PARK7: variants seen among roughly 807,000 people sequenced by gnomAD.
The protein encoded by PARK7 is Parkinsonism associated deglycase.
PARK7 carries 14 observed loss-of-function variants against 20.5 expected under a neutral mutation model. The ratio of observed to expected loss-of-function variants is 0.68; its 90% confidence interval spans 0.45 to 1.07. The LOEUF (loss-of-function observed/expected upper bound fraction) is 1.07, where lower values mean the gene tolerates loss of function less well. Ranked by LOEUF, PARK7 falls within the 50% of genes least tolerant of loss-of-function variation. The pLI is 0.00. For synonymous variants in PARK7, 98 were observed against 84.3 expected (o/e 1.16, Z -0.89); for missense variants, 234 against 238.1 (o/e 0.98, Z 0.11).
chr1:7,967,746 CCT>C (rs1305032362), intron 3 of PARK7, among the ~76,000 whole-genome samples: 1 of 151,350 alleles, frequency 6.6e-6, no homozygotes, highest in Non-Finnish European at 1.5e-5. Flanking sequence ...GAAGCGAGAC[CCT>C]GTCTCTACAA....
At chr1:7,976,734 A>G (rs973991946) in intron 5 of PARK7, among the ~76,000 whole-genome samples, 1 of 152,096 alleles carries the variant, frequency 6.6e-6, no homozygotes, top group Admixed American at 6.6e-5. Context: ...TTTTTTATTT[A>G]TTTTGAGACA....
chr1:7,962,649 G>GT lies in PARK7; in HGVS notation c.-23-111dup, dbSNP rs1333177315. ...TCGTATTCAGTTGTCTATGAAAACC[G>GT]TTTCCCTAGGAAGTACTTACTCTGC... On this transcript the variant is annotated intron_variant, in intron 1 of 6. Transcript: ENST00000338639. 3 of 668,100 alleles carry GT rather than the reference G, an allele frequency of 4.5e-6. No individual in the cohort carries two copies. In the African/African-American group the frequency reaches 5.5e-5, roughly 12 times the overall value. 41.4% of individuals were successfully genotyped at this position (668,100 alleles called of 1,614,324 possible).
intron 6 of PARK7, among the ~76,000 whole-genome samples, chr1:7,978,591 C>T (rs1387882354): frequency 6.6e-6 from 1 of 151,090 alleles, no homozygotes; most frequent in Non-Finnish European, 1.5e-5. Flanking sequence ...CGCCTGTAAT[C>T]CCAGTACTTT....
chr1:7,974,280 C>T (rs1294166788), intron 5 of PARK7, among the ~76,000 whole-genome samples: 2 of 151,610 alleles, frequency 1.3e-5, no homozygotes, highest in Admixed American at 1.3e-4. Context: ...ATGTGGTGAT[C>T]ACACCACTGC....
chr1:7,963,610 A>G (rs161816), intron 2 of PARK7, among the ~76,000 whole-genome samples: 41,817 of 151,098 alleles, frequency 0.28, 7,643 homozygotes, highest in Non-Finnish European at 0.41. Flanking sequence ...CCTGGCTTCA[A>G]GTGACCCGCC....
At chr1:7,965,249 TC>T in intron 2 of PARK7, 74 bp from the exon 3 acceptor site, 1 of 1,385,658 alleles carries the variant, frequency 7.2e-7, no homozygotes, top group Non-Finnish European at 1.0e-6. Flanking sequence ...CTCTCTTTTT[TC>T]TTTTTTTTTA....
At chr1:7,980,387 G>A (rs1015700317) in intron 6 of PARK7, among the ~76,000 whole-genome samples, 7 of 152,110 alleles carry the variant, frequency 4.6e-5, no homozygotes, top group African/African-American at 9.7e-5. Context: ...TTCCTTTAGT[G>A]CCTCAAAAAC....
At chr1:7,969,866 C>A (rs1640425373) in intron 4 of PARK7, among the ~76,000 whole-genome samples, 1 of 152,158 alleles carries the variant, frequency 6.6e-6, no homozygotes, top group Non-Finnish European at 1.5e-5. Context: ...GCGTGAGCCA[C>A]CACTCCCGAC....
intron 3 of PARK7, among the ~76,000 whole-genome samples, chr1:7,965,723 T>G (rs1424933057): frequency 6.6e-6 from 1 of 152,214 alleles, no homozygotes; most frequent in African/African-American, 2.4e-5. Flanking sequence ...TTCCCATCAG[T>G]ATTTTTCTGG....
intron 5 of PARK7, among the ~76,000 whole-genome samples, chr1:7,974,136 C>CCCCG (rs1553123777): frequency 2.1e-5 from 3 of 142,972 alleles, no homozygotes; most frequent in African/African-American, 7.9e-5. Flanking sequence ...ATAGTGAGAC[C>CCCCG]CCCCCACCGA....
intron 4 of PARK7, among the ~76,000 whole-genome samples, 167 bp downstream of exon 4, chr1:7,969,571 G>A (rs1335446972): frequency 1.3e-5 from 2 of 150,864 alleles, no homozygotes; most frequent in Non-Finnish European, 2.9e-5. Flanking sequence ...TGGTGTTATA[G>A]CATTAACTCA....
intron 6 of PARK7, among the ~76,000 whole-genome samples, chr1:7,983,881 A>G (rs1013402464): frequency 6.6e-6 from 1 of 152,258 alleles, no homozygotes; most frequent in African/African-American, 2.4e-5. Flanking sequence ...ATCATTGGCC[A>G]GACAGGGACT....
intron 5 of PARK7, among the ~76,000 whole-genome samples, chr1:7,973,916 A>G (rs983255983): frequency 1.3e-5 from 2 of 149,638 alleles, no homozygotes; most frequent in Non-Finnish European, 2.9e-5. Flanking sequence ...TCAAAAAAAA[A>G]AAAAAAAAAT....
chr1:7,963,621 C>T (rs1294595869), intron 2 of PARK7, among the ~76,000 whole-genome samples: 3 of 151,860 alleles, frequency 2.0e-5, no homozygotes, highest in Non-Finnish European at 2.9e-5. Context: ...GTGACCCGCC[C>T]GCCTTAGCCT....
rs149496356 is a variant in PARK7 at position 7,984,463 on chromosome 1, T to G, written c.410-431T>G. On this transcript the variant is annotated intron_variant, in intron 6 of 6. Transcript: ENST00000338639. This position sits in a 1 kb window ranked among gnomAD's most constrained non-coding sequence, Gnocchi z 4.3. ...CGCCTCCATTACGTTGTGCTGTGGT[T>G]GTTTTTGAGGCATCAGAGGGTGTGC... 5.9e-5 allele frequency among the ~76,000 whole-genome samples: 9 copies of G among 152,348 alleles called. No individual in the cohort carries two copies. The highest frequency in any genetic ancestry group is 2.1e-4 in the South Asian group (1 of 4,830).
At chr1:7,967,534 G>T (rs547840400) in intron 3 of PARK7, among the ~76,000 whole-genome samples, 1 of 152,124 alleles carries the variant, frequency 6.6e-6, no homozygotes, top group African/African-American at 2.4e-5. Context: ...GATTCTAAAA[G>T]GAGTAAAATA....
At position 7,977,683 on chromosome 1, in the gene PARK7, T is replaced by C; in HGVS notation, c.354T>C (p.Gly118=). The part of the protein sequence containing the change: ...GPTALLAHEI[G]FGSKVTTHPL... ...CTGCTCTGTTGGCTCATGAAATAGG[T>C]TTTGGAAGTAAAGTTACAACACACC... Residue 118 remains glycine, a synonymous_variant, in exon 6 of 7, where the codon GGT becomes GGC. Transcript: ENST00000338639. 1 of 1,614,080 alleles carries C rather than the reference T, an allele frequency of 6.2e-7. No individual in the cohort carries two copies. Among genetic ancestry groups the C allele is most frequent in the South Asian group, 1.1e-5 (1 of 91,084 alleles).
At chr1:7,981,960 C>G (rs979266840) in intron 6 of PARK7, among the ~76,000 whole-genome samples, 2 of 148,056 alleles carry the variant, frequency 1.4e-5, no homozygotes, top group African/African-American at 2.5e-5. Context: ...GCCCAGCCCC[C>G]CCGCCTTTTT....
intron 4 of PARK7, among the ~76,000 whole-genome samples, chr1:7,970,579 A>T (rs1450300724): frequency 6.6e-6 from 1 of 152,204 alleles, no homozygotes; most frequent in East Asian, 1.9e-4. Context: ...CTGCCATCTG[A>T]AAACACCCAA....
Sources: allele counts gnomAD v4.1 joint callset (sites outside exome capture counted in the v4.1 genomes callset), GRCh38; gene constraint gnomAD v4.1.1; non-coding constraint Gnocchi (gnomAD v3.1); transcripts MANE v1.5; gene names NCBI Gene and HGNC (gene_info 2026-07-23, HGNC 2026-07-21).